CD8B2: variants seen among roughly 807,000 people sequenced by gnomAD.
CD8B2 encodes CD8B family member 2, also known as T-cell surface glycoprotein CD8 beta-2 chain.
In CD8B2, 11 loss-of-function variants were observed where a neutral mutation model predicts 23.7. That is an observed-to-expected ratio of 0.46 (90% CI 0.29 to 0.77). The LOEUF (loss-of-function observed/expected upper bound fraction) is 0.77. Ranked by LOEUF, CD8B2 falls within the 30% of genes least tolerant of loss-of-function variation. The probability of loss-of-function intolerance (pLI) is 0.09; values close to 1 mark genes in which losing one functional copy is unlikely to be tolerated. For synonymous variants in CD8B2, 90 were observed against 109.3 expected (o/e 0.82, Z 1.10); for missense variants, 197 against 270.5 (o/e 0.73, Z 1.91).
chr2:106,489,435 G>A (rs1296267311), intron 1 of CD8B2, among the ~76,000 whole-genome samples: 2 of 152,120 alleles, frequency 1.3e-5, no homozygotes, highest in African/African-American at 4.8e-5. Context: ...AGTGCAGGCA[G>A]GATTTTAAAC....
intron 3 of CD8B2, 50 bp downstream of exon 3, chr2:106,496,312 T>C (rs1263529139): frequency 8.0e-7 from 1 of 1,256,820 alleles, no homozygotes; most frequent in African/African-American, 1.5e-5. Flanking sequence ...GACATCCCCT[T>C]GCCCTCCCTC....
At chr2:106,520,644 C>T (rs1229409222) in intron 5 of CD8B2, among the ~76,000 whole-genome samples, 4 of 152,144 alleles carry the variant, frequency 2.6e-5, no homozygotes, top group Non-Finnish European at 5.9e-5. Context: ...ATAATCTCAG[C>T]ACTTTGGGAG....
downstream of CD8B2, among the ~76,000 whole-genome samples, chr2:106,514,649 G>T (rs1679699080): frequency 1.3e-5 from 2 of 151,612 alleles, no homozygotes; most frequent in South Asian, 4.2e-4. Context: ...TCAATGGACA[G>T]CTATCCCACG....
chr2:106,538,316 T>C (rs1209894955), intron 5 of CD8B2, among the ~76,000 whole-genome samples: 2 of 152,188 alleles, frequency 1.3e-5, no homozygotes, highest in African/African-American at 4.8e-5. Flanking sequence ...CTTCAGCCTA[T>C]GTAGGCTATG....
chr2:106,536,335 A>G (rs1276137539), intron 5 of CD8B2, among the ~76,000 whole-genome samples: 2 of 152,124 alleles, frequency 1.3e-5, no homozygotes, highest in Non-Finnish European at 2.9e-5. Context: ...CCTGGCCACC[A>G]CACACTTTTA....
At chr2:106,528,098 A>C (rs958465015) in intron 5 of CD8B2, among the ~76,000 whole-genome samples, 2 of 152,244 alleles carry the variant, frequency 1.3e-5, no homozygotes, top group Non-Finnish European at 2.9e-5. Context: ...CCTGGCTTGC[A>C]AAGTGACTGA....
At position 106,509,277 on chromosome 2, in the gene CD8B2, C is replaced by A. The variant is rs1195649150; in HGVS notation, c.*2337C>A. The A allele has an allele frequency of 2.0e-5, 3 of 152,166 alleles. No individual in the cohort carries two copies. The highest frequency in any genetic ancestry group is 4.4e-5 in the Non-Finnish European group (3 of 68,036). The allele number at this position is 152,166 out of a possible 1,614,324, so 9.4% of individuals were successfully genotyped here. A position where few individuals can be genotyped will look rare whatever the true frequency, so the allele number is the denominator to read the frequency against. ...ATCAGCTCTGAGGACAAGGGACAGGCTGCCTTCCAAGGCTGAGGGGAGGGG... is the reference window on the plus strand; with the variant it reads ...ATCAGCTCTGAGGACAAGGGACAGGATGCCTTCCAAGGCTGAGGGGAGGGG... On this transcript the variant is annotated 3_prime_UTR_variant, in exon 6 of 6. Coordinates refer to ENST00000643224, the MANE Select transcript of CD8B2 (RefSeq NM_001349727.2).
chr2:106,513,350 C>A (rs1482787027), downstream of CD8B2, among the ~76,000 whole-genome samples: 1 of 152,072 alleles, frequency 6.6e-6, no homozygotes, highest in African/African-American at 2.4e-5. Flanking sequence ...TTGCGTGGCT[C>A]CAAGAGTGAG....
downstream of CD8B2, among the ~76,000 whole-genome samples, chr2:106,513,671 G>A (rs1214092877): frequency 1.7e-4 from 26 of 151,890 alleles, no homozygotes; most frequent in African/African-American, 1.4e-4. Flanking sequence ...TAGGCCTGCT[G>A]TCTGGGCAAG....
rs973019354 is a variant in CD8B2 at position 106,539,492 on chromosome 2, T to C, written c.621-4500T>C. ...TTGGGACACAATACCATGTGTGCGG[T>C]GTGCTCATCTTTTATTCTGAAGACA... On this transcript the variant is annotated intron_variant, in intron 5 of 5. Transcript: ENST00000416057. Among the ~76,000 whole-genome samples the C allele has an allele frequency of 2.6e-5, 4 of 152,322 alleles. No individual in the cohort carries two copies. The South Asian group carries it at 8.3e-4, about 32-fold the overall frequency.
chr2:106,516,570 T>A (rs1390156744), intron 5 of CD8B2, among the ~76,000 whole-genome samples: 1 of 152,210 alleles, frequency 6.6e-6, no homozygotes, highest in African/African-American at 2.4e-5. Flanking sequence ...AGATGAGAAG[T>A]ATAAATATTG....
downstream of CD8B2, among the ~76,000 whole-genome samples, chr2:106,511,863 G>A (rs1405514944): frequency 3.3e-5 from 5 of 152,268 alleles, no homozygotes; most frequent in South Asian, 8.3e-4. Context: ...GCCCTGCGTC[G>A]GTTTGAGATT....
At chr2:106,500,795 G>A (rs1679391069) in intron 3 of CD8B2, among the ~76,000 whole-genome samples, 1 of 151,916 alleles carries the variant, frequency 6.6e-6, no homozygotes, top group South Asian at 2.1e-4. Flanking sequence ...TGTCAGAGGA[G>A]GATTTGGGAC....
At chr2:106,505,722 T>G (rs1679492233) in intron 5 of CD8B2, among the ~76,000 whole-genome samples, 1 of 152,204 alleles carries the variant, frequency 6.6e-6, no homozygotes, top group Non-Finnish European at 1.5e-5. Flanking sequence ...TATGGGCAAT[T>G]TTCAATGATA....
intron 3 of CD8B2, among the ~76,000 whole-genome samples, chr2:106,497,930 A>G (rs1573331898): frequency 6.6e-6 from 1 of 152,188 alleles, no homozygotes; most frequent in East Asian, 1.9e-4. Flanking sequence ...GTTTAAACAA[A>G]GGGAAGACCC....
At position 106,511,066 on chromosome 2, in the gene CD8B2, TA is replaced by T. The variant is rs1370697542; in HGVS notation, c.*4130del. On this transcript the variant is annotated 3_prime_UTR_variant, in exon 6 of 6. Coordinates refer to ENST00000643224, the MANE Select transcript of CD8B2 (RefSeq NM_001349727.2). ...CTTTTGTAGTTGGGGAAAAAGCAAT[TA>T]AAAGTTTGGAAAAAAAGAACCTCTA... 1 of 152,112 alleles carries T rather than the reference TA, an allele frequency of 6.6e-6. No individual in the cohort carries two copies. Among genetic ancestry groups the T allele is most frequent in the Non-Finnish European group, 1.5e-5 (1 of 68,024 alleles). The allele number at this position is 152,112 out of a possible 1,614,324, so 9.4% of individuals were successfully genotyped here.
rs1450288337 is a variant in CD8B2 at position 106,509,420 on chromosome 2, C to T, written c.*2480C>T. 1 of 152,284 alleles carries T rather than the reference C, an allele frequency of 6.6e-6. No individual in the cohort carries two copies. Among genetic ancestry groups the T allele is most frequent in the Non-Finnish European group, 1.5e-5 (1 of 68,090 alleles). 9.4% of individuals were successfully genotyped at this position (152,284 alleles called of 1,614,324 possible). ...AAGGCCTGCAGTGCACGTGGTCTGC[C>T]CTCCTTGAAGGCTCACACCCAGTGC... On this transcript the variant is annotated 3_prime_UTR_variant, in exon 6 of 6. Transcript: ENST00000643224.
At chr2:106,528,326 A>T (rs1421741672) in intron 5 of CD8B2, among the ~76,000 whole-genome samples, 1 of 152,108 alleles carries the variant, frequency 6.6e-6, no homozygotes, top group East Asian at 1.9e-4. Flanking sequence ...GTGAAGATCT[A>T]TGTATTCCTC....
chr2:106,491,519 A>G (rs1311168210), intron 2 of CD8B2, among the ~76,000 whole-genome samples: 1 of 152,184 alleles, frequency 6.6e-6, no homozygotes, highest in Non-Finnish European at 1.5e-5. Context: ...TCAGCGTCAG[A>G]GATGAGCATT....
Sources: allele counts gnomAD v4.1 joint callset (sites outside exome capture counted in the v4.1 genomes callset), GRCh38; gene constraint gnomAD v4.1.1; transcripts MANE v1.5; gene names NCBI Gene and HGNC (gene_info 2026-07-23, HGNC 2026-07-21).